RTN4IP1: variants seen among roughly 807,000 people sequenced by gnomAD.
RTN4IP1 encodes NAD(P)H oxidoreductase RTN4IP1, mitochondrial.
A neutral mutation model predicts 46.6 loss-of-function variants in RTN4IP1; 32 were observed. That is an observed-to-expected ratio of 0.69 (90% confidence interval 0.52 to 0.92). The LOEUF (loss-of-function observed/expected upper bound fraction) is 0.92, where lower values mean the gene tolerates loss of function less well. Ranked by LOEUF, RTN4IP1 falls within the 40% of genes least tolerant of loss-of-function variation. The pLI is 0.00. For missense variants in RTN4IP1, 424 were observed against 485.8 expected, an observed-to-expected ratio of 0.87 and a Z score of 1.20; for synonymous variants, 167 against 161.8, an observed-to-expected ratio of 1.03 and a Z score of -0.24.
At chr6:106,617,162 AG>A (rs1039145059) in intron 4 of RTN4IP1, among the ~76,000 whole-genome samples, 5 of 152,330 alleles carry the variant, frequency 3.3e-5, no homozygotes, top group African/African-American at 1.2e-4. Flanking sequence ...CACAACTGTG[AG>A]AAATAAATTT....
intron 8 of RTN4IP1, among the ~76,000 whole-genome samples, chr6:106,582,876 A>G (rs528177959): frequency 3.7e-4 from 56 of 152,198 alleles, no homozygotes; most frequent in African/African-American, 1.3e-3. Flanking sequence ...CCAAATCCCC[A>G]TCAATCCTCA....
rs1013389023 is a variant in RTN4IP1 at position 106,570,829 on chromosome 6, T to A, written c.*1167A>T. On this transcript the variant is annotated 3_prime_UTR_variant, in exon 9 of 9. Transcript: ENST00000369063. ...TTTAGAGAAAAGCCTACATCTAACA[T>A]ACATGCTACCAAACGAGTGTCTAAC... 2.0e-5 allele frequency: 3 copies of A among 152,148 alleles called. No individual in the cohort carries two copies. Among genetic ancestry groups the A allele is most frequent in the African/African-American group, 7.2e-5 (3 of 41,422 alleles). 9.4% of individuals were successfully genotyped at this position (152,148 alleles called of 1,614,324 possible). A position where few individuals can be genotyped will look rare whatever the true frequency, so the allele number is the denominator to read the frequency against.
At chr6:106,597,801 C>T (rs977107407) in intron 5 of RTN4IP1, among the ~76,000 whole-genome samples, 6 of 151,624 alleles carry the variant, frequency 4.0e-5, no homozygotes, top group Admixed American at 2.0e-4. Context: ...CCCACTAACT[C>T]GTCATCTAGC....
At chr6:106,590,714 CAAAAAAAAAAAA>C (rs35293436) in intron 6 of RTN4IP1, among the ~76,000 whole-genome samples, 1 of 68,522 alleles carries the variant, frequency 1.5e-5, no homozygotes. Context: ...GAATCCATCT[CAAAAAAAAAAAA>C]AAAAAAAAGA....
Position 106,583,097 on chromosome 6 carries a change from G to A in RTN4IP1, c.1083+231C>T, listed in dbSNP as rs191066219. Among the ~76,000 whole-genome samples the A allele has an allele frequency of 3.6e-3, 548 of 152,264 alleles. 25 individuals are homozygous for A. Among genetic ancestry groups the A allele is most frequent in the Admixed American group, 0.033 (509 of 15,278 alleles). On this transcript the variant is annotated intron_variant, in intron 8 of 8. Coordinates refer to ENST00000369063, the MANE Select transcript of RTN4IP1 (RefSeq NM_032730.5). Reference sequence around the variant, plus strand: ...GCCTCTTCATCTACTAAACCAAGGCGGTTTGACTAGATGAGAGAAGCTCTT... The same window carrying A: ...GCCTCTTCATCTACTAAACCAAGGCAGTTTGACTAGATGAGAGAAGCTCTT...
intron 6 of RTN4IP1, among the ~76,000 whole-genome samples, chr6:106,589,158 G>A (rs1348736624): frequency 5.8e-5 from 4 of 68,622 alleles, no homozygotes; most frequent in Non-Finnish European, 8.9e-5. Context: ...GAAGAGGAAG[G>A]AGGAGGAGGC....
At chr6:106,629,628 A>G (rs112005113), upstream of RTN4IP1, 8 of 1,573,608 alleles carry the variant, frequency 5.1e-6, no homozygotes, top group Non-Finnish European at 6.9e-6. Context: ...GCGACCGGTG[A>G]CCTCTTTTTC....
chr6:106,610,207 G>A (rs560237981), intron 4 of RTN4IP1, among the ~76,000 whole-genome samples: 12 of 151,836 alleles, frequency 7.9e-5, no homozygotes, highest in Admixed American at 1.3e-4. Flanking sequence ...GACTACAGGC[G>A]CCCACCACCA....
At chr6:106,617,765 C>T (rs1776390823) in intron 4 of RTN4IP1, among the ~76,000 whole-genome samples, 1 of 152,084 alleles carries the variant, frequency 6.6e-6, no homozygotes, top group African/African-American at 2.4e-5. Flanking sequence ...GTCCACAGAG[C>T]CCTGAACCAG....
At chr6:106,627,477 C>T (rs539541978) in intron 1 of RTN4IP1, among the ~76,000 whole-genome samples, 1 of 152,132 alleles carries the variant, frequency 6.6e-6, no homozygotes, top group African/African-American at 2.4e-5. Context: ...ATGACAACTG[C>T]GTATGTGAAG....
At chr6:106,580,534 C>T (rs1775340895) in intron 8 of RTN4IP1, among the ~76,000 whole-genome samples, 1 of 152,022 alleles carries the variant, frequency 6.6e-6, no homozygotes, top group African/African-American at 2.4e-5. Context: ...GTACAGCCAA[C>T]AGGGCGAAAC....
At chr6:106,573,745 A>G (rs9480688) in intron 8 of RTN4IP1, among the ~76,000 whole-genome samples, 21,537 of 152,192 alleles carry the variant, frequency 0.14, 1,752 homozygotes, top group African/African-American at 0.21. Context: ...ACCATTATGC[A>G]CTGAGCCTTT....
At chr6:106,612,320 G>C (rs374986275) in intron 4 of RTN4IP1, among the ~76,000 whole-genome samples, 35 of 148,970 alleles carry the variant, frequency 2.3e-4, no homozygotes, top group African/African-American at 7.4e-4. Flanking sequence ...CTGGGAGGTG[G>C]AGGTTGCAGT....
chr6:106,600,244 C>A (rs1775908253), intron 5 of RTN4IP1, among the ~76,000 whole-genome samples: 1 of 151,982 alleles, frequency 6.6e-6, no homozygotes, highest in Non-Finnish European at 1.5e-5. Context: ...TACTCGCTGG[C>A]CCCTACTGGG....
At chr6:106,578,233 T>C (rs1775276243) in intron 8 of RTN4IP1, among the ~76,000 whole-genome samples, 1 of 152,172 alleles carries the variant, frequency 6.6e-6, no homozygotes, top group Non-Finnish European at 1.5e-5. Flanking sequence ...CAATGAAGAC[T>C]GTAGAAGGAA....
intron 4 of RTN4IP1, among the ~76,000 whole-genome samples, chr6:106,605,343 T>C (rs1469121119): frequency 6.6e-6 from 1 of 151,448 alleles, no homozygotes; most frequent in Non-Finnish European, 1.5e-5. Context: ...TGAGAATCGT[T>C]TGAACCCAAG....
chr6:106,605,448 C>T (rs1432505599), intron 4 of RTN4IP1, among the ~76,000 whole-genome samples: 1 of 147,120 alleles, frequency 6.8e-6, no homozygotes. Context: ...AAGTGCCTAA[C>T]AGCCTCCACA....
Position 106,592,250 on chromosome 6 carries a change from G to C in RTN4IP1, c.720C>G (p.Ala240=). The C allele has an allele frequency of 6.2e-7, 1 of 1,613,980 alleles. No individual in the cohort carries two copies. Among genetic ancestry groups the C allele is most frequent in the Non-Finnish European group, 8.5e-7 (1 of 1,179,978 alleles). ...AHVTAVCSQD[A]SELVRKLGAD... is the part of the protein sequence containing the mutation. ...CACCAAGCTTCCTTACAAGTTCACT[G>C]GCATCTTGGGAGCAAACTGCTGTCA... The change falls in exon 6 of 9, where the codon GCC becomes GCG. Residue 240 remains alanine (A), a synonymous_variant. Transcript: ENST00000369063.
chr6:106,594,563 C>T (rs968817442), intron 5 of RTN4IP1, among the ~76,000 whole-genome samples: 1 of 151,950 alleles, frequency 6.6e-6, no homozygotes, highest in Non-Finnish European at 1.5e-5. Flanking sequence ...ATAGGGTGAA[C>T]ACCACCCAGA....
Sources: allele counts gnomAD v4.1 joint callset (sites outside exome capture counted in the v4.1 genomes callset), GRCh38; gene constraint gnomAD v4.1.1; transcripts MANE v1.5; gene names NCBI Gene and HGNC (gene_info 2026-07-23, HGNC 2026-07-21).